TRAPPC12: variants seen among roughly 807,000 people sequenced by gnomAD.
TRAPPC12 encodes TPR repeat protein 15.
Under a neutral mutation model 69.2 loss-of-function variants are expected in TRAPPC12, and 61 were observed. The ratio of observed to expected loss-of-function variants is 0.88; its 90% CI spans 0.72 to 1.09. The LOEUF (loss-of-function observed/expected upper bound fraction) is 1.09. TRAPPC12 is among the 50% of genes least tolerant of loss of function. The pLI is 0.00. For missense variants in TRAPPC12, 1,101 were observed against 1,016.4 expected, an observed-to-expected ratio of 1.08 and a Z score of -1.13; for synonymous variants, 469 against 438.9, an observed-to-expected ratio of 1.07 and a Z score of -0.86.
At chr2:3,440,773 TA>T (rs908188216) in intron 5 of TRAPPC12, among the ~76,000 whole-genome samples, 2 of 152,200 alleles carry the variant, frequency 1.3e-5, no homozygotes, top group Non-Finnish European at 2.9e-5. Flanking sequence ...TTCTCACTCT[TA>T]AGTTTGTTGT....
chr2:3,381,229 C>T (rs758451173), intron 1 of TRAPPC12, among the ~76,000 whole-genome samples: 2 of 152,154 alleles, frequency 1.3e-5, no homozygotes, highest in African/African-American at 2.4e-5. Context: ...ATGGAGACTT[C>T]TGTTAATACG....
intron 1 of TRAPPC12, among the ~76,000 whole-genome samples, chr2:3,386,897 G>C (rs749744657): frequency 7.2e-4 from 110 of 152,284 alleles, no homozygotes; most frequent in Non-Finnish European, 1.3e-3. Flanking sequence ...TGTTGGCAAG[G>C]ATGTGAATTC....
At chr2:3,397,817 G>A (rs1048942856) in intron 2 of TRAPPC12, among the ~76,000 whole-genome samples, 4 of 152,108 alleles carry the variant, frequency 2.6e-5, no homozygotes, top group African/African-American at 7.2e-5. Flanking sequence ...AAGAATGTTG[G>A]GAAAGCATAT....
At chr2:3,476,775 A>C (rs1313690521) in intron 9 of TRAPPC12, among the ~76,000 whole-genome samples, 1 of 152,102 alleles carries the variant, frequency 6.6e-6, no homozygotes, top group Non-Finnish European at 1.5e-5. Context: ...AGCCCTCCTC[A>C]TGGAGGTGAG....
intron 5 of TRAPPC12, among the ~76,000 whole-genome samples, chr2:3,427,180 C>T (rs1663153172): frequency 1.3e-5 from 2 of 152,168 alleles, no homozygotes; most frequent in Non-Finnish European, 1.5e-5. Context: ...CTTGTTTTCC[C>T]CCATCCCAGC....
intron 5 of TRAPPC12, among the ~76,000 whole-genome samples, chr2:3,434,811 C>A (rs1194039617): frequency 6.6e-6 from 1 of 152,188 alleles, no homozygotes; most frequent in Non-Finnish European, 1.5e-5. Context: ...AACCGAGTGT[C>A]TACAAGGAGA....
chr2:3,469,409 AG>A (rs1478582772), intron 9 of TRAPPC12, among the ~76,000 whole-genome samples: 6 of 152,260 alleles, frequency 3.9e-5, no homozygotes, highest in African/African-American at 1.4e-4. Context: ...GCAGGTGCTT[AG>A]AAAGTACGGG....
At chr2:3,399,932 C>T (rs992838267) in intron 2 of TRAPPC12, among the ~76,000 whole-genome samples, 1 of 152,096 alleles carries the variant, frequency 6.6e-6, no homozygotes, top group African/African-American at 2.4e-5. Flanking sequence ...TCACTGCGTG[C>T]TCCCAGTGGC....
chr2:3,457,656 C>A lies in TRAPPC12; in HGVS notation c.1566C>A (p.Asp522Glu), dbSNP rs761984276. Residue 522 changes from aspartate (D) to glutamate (E), a missense_variant, in exon 7 of 12, where the codon GAC (aspartate) becomes GAA (glutamate). Coordinates refer to ENST00000324266, the MANE Select transcript of TRAPPC12 (RefSeq NM_016030.6). ...ATTTGGAGCAAGGCTTAGCAGAAGA[C>A]GGCGGCATGAGCAGCGTGACTCAGG... is the stretch of plus-strand genomic sequence containing the variant. ...LANLEQGLAE[D>E]GGMSSVTQEG... is the part of the protein sequence containing the mutation. 1 of 1,611,968 alleles carries A rather than the reference C, an allele frequency of 6.2e-7. No homozygotes were observed. The highest frequency in any genetic ancestry group is 8.5e-7 in the Non-Finnish European group (1 of 1,179,976).
rs909002270 is a variant in TRAPPC12 at position 3,431,941 on chromosome 2, T to C, written c.1417+7278T>C. On this transcript the variant is annotated intron_variant, in intron 5 of 11. Transcript: ENST00000324266. ...CAGACCCCCACCACCATCTTTTTAATCTGTTGTTTGGAATTACCCCTCTCG... is the reference window on the plus strand; with the variant it reads ...CAGACCCCCACCACCATCTTTTTAACCTGTTGTTTGGAATTACCCCTCTCG... Among the ~76,000 whole-genome samples the C allele has an allele frequency of 2.0e-5, 3 of 152,216 alleles. No individual in the cohort carries two copies. In the East Asian group the frequency reaches 5.8e-4, roughly 29 times the overall value.
intron 3 of TRAPPC12, among the ~76,000 whole-genome samples, chr2:3,404,962 C>T (rs1420831915): frequency 2.0e-5 from 3 of 151,940 alleles, no homozygotes; most frequent in South Asian, 2.1e-4. Context: ...ATTTCTTCCT[C>T]TGCAATGACA....
At chr2:3,423,322 TTGTGTGTGTGTGTGTG>T (rs34767789) in intron 4 of TRAPPC12, among the ~76,000 whole-genome samples, 2 of 149,082 alleles carry the variant, frequency 1.3e-5, no homozygotes, top group Non-Finnish European at 3.0e-5. Flanking sequence ...TCGCATGCCT[TTGTGTGTGTGTGTGTG>T]TGTGTGTGTG....
intron 3 of TRAPPC12, among the ~76,000 whole-genome samples, chr2:3,416,542 C>G (rs1254167166): frequency 8.5e-6 from 1 of 116,986 alleles, no homozygotes; most frequent in Non-Finnish European, 1.8e-5. Flanking sequence ...TGCCCTCCCC[C>G]TGCCTCTTCA....
In TRAPPC12 at chr2:3,388,562, C is replaced by T. The variant is rs909881940; in HGVS notation, c.939C>T (p.Gly313=). ...GGAGGAACGACGCCTGGCTTCCCGG[C>T]GAGGCTACGCGTGGAGTCCTGCGGG... ...MDRRNDAWLP[G]EATRGVLRAV... is the part of the protein sequence containing the mutation. Residue 313 remains glycine (G), a synonymous_variant, in exon 2 of 12, where the codon GGC becomes GGT. Transcript: ENST00000324266. The T allele has an allele frequency of 1.2e-6, 2 of 1,612,752 alleles. No individual in the cohort carries two copies. Among genetic ancestry groups the T allele is most frequent in the South Asian group, 1.1e-5 (1 of 90,940 alleles).
chr2:3,388,567 C>G lies in TRAPPC12; in HGVS notation c.944C>G (p.Ala315Gly). 1 of 1,612,748 alleles carries G rather than the reference C, an allele frequency of 6.2e-7. No homozygotes were observed. The highest frequency in any genetic ancestry group is 8.5e-7 in the Non-Finnish European group (1 of 1,179,674). Residue 315 changes from alanine (A) to glycine (G), a missense_variant, in exon 2 of 12, where the codon GCT becomes GGT. Physicochemically the swap from Ala to Gly is moderately conservative, Grantham distance 60 (BLOSUM62 0). Coordinates refer to ENST00000324266, the MANE Select transcript of TRAPPC12 (RefSeq NM_016030.6). The stretch of plus-strand genomic sequence containing the variant: ...AACGACGCCTGGCTTCCCGGCGAGG[C>G]TACGCGTGGAGTCCTGCGGGCCGTG... ...RRNDAWLPGE[A>G]TRGVLRAVAT...
At chr2:3,415,806 T>TCC (rs1187653167) in intron 3 of TRAPPC12, among the ~76,000 whole-genome samples, 1 of 151,550 alleles carries the variant, frequency 6.6e-6, no homozygotes, top group Non-Finnish European at 1.5e-5. Context: ...AAGCTCCACC[T>TCC]TGCAGGTTCA....
chr2:3,457,986 C>A, intron 7 of TRAPPC12: 1 of 1,250,248 alleles, frequency 8.0e-7, no homozygotes, highest in South Asian at 2.3e-5. Context: ...TGAGTGGGCG[C>A]GAGGAAGGAG....
intron 5 of TRAPPC12, among the ~76,000 whole-genome samples, chr2:3,432,269 A>G (rs1051358522): frequency 1.9e-4 from 29 of 152,334 alleles, no homozygotes; most frequent in African/African-American, 7.0e-4. Flanking sequence ...GCGGATTACC[A>G]TCAGGTCAAA....
intron 6 of TRAPPC12, among the ~76,000 whole-genome samples, chr2:3,445,237 A>G (rs1664443924): frequency 6.6e-6 from 1 of 152,126 alleles, no homozygotes; most frequent in African/African-American, 2.4e-5. Context: ...TGCATACTAC[A>G]GGCTGGGTAC....
Sources: gnomAD v4.1 joint callset for allele counts (sites outside exome capture counted in the v4.1 genomes callset) on GRCh38, gnomAD v4.1.1 for gene constraint, MANE v1.5 for transcripts, NCBI Gene and HGNC (gene_info 2026-07-23, HGNC 2026-07-21) for gene names.